The following EMSY variants were observed in gnomAD, a reference collection of about 807,000 sequenced individuals.
The protein encoded by EMSY is EMSY transcriptional repressor, BRCA2 interacting, also known as BRCA2-interacting transcriptional repressor EMSY.
A neutral mutation model predicts 134.6 loss-of-function variants in EMSY; 26 were observed. The observed-to-expected ratio is 0.19, with a 90% CI of 0.14 to 0.27. The LOEUF (loss-of-function observed/expected upper bound fraction) is 0.27, where lower values mean the gene tolerates loss of function less well. EMSY is among the 10% of genes least tolerant of loss of function. The pLI, the probability that EMSY is intolerant of heterozygous loss-of-function variation, is 1.00. For synonymous variants in EMSY, 579 were observed against 577.8 expected (o/e 1.00, Z -0.03); for missense variants, 1,305 against 1,611.4 (o/e 0.81, Z 3.26).
chr11:76,467,066 A>C (rs185656473), intron 7 of EMSY, among the ~76,000 whole-genome samples: 1,646 of 152,338 alleles, frequency 0.011, 30 homozygotes, highest in African/African-American at 0.035. Flanking sequence ...ATATCCCTTC[A>C]TATATAGAAA....
chr11:76,446,817 C>A, intron 1 of EMSY, 83 bp from the exon 2 acceptor site: 1 of 798,384 alleles, frequency 1.3e-6, no homozygotes, highest in South Asian at 1.7e-5. Flanking sequence ...ACTTCTTAGC[C>A]TGTGACTGGA....
intron 20 of EMSY, 34 bp downstream of exon 21, chr11:76,546,331 C>T: frequency 6.3e-7 from 1 of 1,577,268 alleles, no homozygotes; most frequent in African/African-American, 1.4e-5. Context: ...AAATCTTGTG[C>T]ATCTTGGGGG....
intron 9 of EMSY, chr11:76,496,783 T>C (rs773660417): frequency 2.1e-4 from 76 of 368,250 alleles, no homozygotes; most frequent in Middle Eastern, 6.5e-4. Context: ...TCTCAGAGTA[T>C]TTACATAGAT....
At chr11:76,535,798 G>C (rs1410541724) in intron 14 of EMSY, 97 bp from the exon 16 acceptor site, 1 of 984,086 alleles carries the variant, frequency 1.0e-6, no homozygotes, top group African/African-American at 1.7e-5. Context: ...ACAATAAATA[G>C]AAAGATAAGC....
intron 2 of EMSY, among the ~76,000 whole-genome samples, chr11:76,447,587 T>C (rs1947470990): frequency 6.6e-6 from 1 of 152,256 alleles, no homozygotes; most frequent in South Asian, 2.1e-4. Context: ...ATTTATTATT[T>C]AGTGTTTCTT....
intron 9 of EMSY, among the ~76,000 whole-genome samples, chr11:76,503,941 C>T (rs1331830465): frequency 3.3e-5 from 5 of 151,642 alleles, no homozygotes; most frequent in South Asian, 2.1e-4. Context: ...CGCACCATCA[C>T]GCCCGGCTAA....
At chr11:76,519,325 A>G (rs1436600387) in intron 11 of EMSY, among the ~76,000 whole-genome samples, 1 of 152,190 alleles carries the variant, frequency 6.6e-6, no homozygotes, top group East Asian at 1.9e-4. Context: ...TTGGGCTCCC[A>G]AAGTGCTGGT....
chr11:76,446,610 C>T (rs1947422961), intron 1 of EMSY, among the ~76,000 whole-genome samples: 1 of 152,040 alleles, frequency 6.6e-6, no homozygotes, highest in South Asian at 2.1e-4. Context: ...GGTGGTATTA[C>T]CTCTGTTTTA....
At chr11:76,538,047 T>A in intron 16 of EMSY, 97 bp downstream of exon 17, 1 of 1,147,576 alleles carries the variant, frequency 8.7e-7, no homozygotes, top group Non-Finnish European at 1.2e-6. Context: ...CTTTATATTT[T>A]TAGCTTTTTC....
chr11:76,548,136 CTG>C (rs1264760991), intron 20 of EMSY, among the ~76,000 whole-genome samples: 1 of 152,174 alleles, frequency 6.6e-6, no homozygotes, highest in African/African-American at 2.4e-5. Flanking sequence ...AGTCAAGTGT[CTG>C]TGTAGAGCAA....
intron 9 of EMSY, among the ~76,000 whole-genome samples, chr11:76,509,081 G>C (rs1253417135): frequency 6.6e-6 from 1 of 152,028 alleles, no homozygotes; most frequent in Non-Finnish European, 1.5e-5. Context: ...AAAGATCACT[G>C]ATCACCGATT....
chr11:76,546,431 G>T (rs527825052), intron 20 of EMSY, 134 bp downstream of exon 21: 2 of 1,268,222 alleles, frequency 1.6e-6, no homozygotes, highest in South Asian at 1.6e-5. Flanking sequence ...TTGAGATGGT[G>T]TTTGACAAAT....
chr11:76,506,283 T>G (rs1326608845), intron 9 of EMSY, among the ~76,000 whole-genome samples: 1 of 152,290 alleles, frequency 6.6e-6, no homozygotes, highest in East Asian at 1.9e-4. Flanking sequence ...GTTATCAATA[T>G]ATTGTATTGT....
At chr11:76,472,935 G>A in intron 8 of EMSY, 95 bp downstream of exon 9, 1 of 1,354,030 alleles carries the variant, frequency 7.4e-7, no homozygotes, top group Non-Finnish European at 1.0e-6. Flanking sequence ...GGATATGAAG[G>A]TCCCTACTAT....
At chr11:76,530,029 T>G (rs1950978015) in intron 14 of EMSY, among the ~76,000 whole-genome samples, 1 of 152,126 alleles carries the variant, frequency 6.6e-6, no homozygotes, top group African/African-American at 2.4e-5. Flanking sequence ...AAAGGGGACA[T>G]GAACAGTAGA....
chr11:76,458,445 T>A, intron 5 of EMSY, 87 bp downstream of exon 6: 1 of 1,320,482 alleles, frequency 7.6e-7, no homozygotes, highest in Non-Finnish European at 1.0e-6. Flanking sequence ...ATTTTTCATC[T>A]ACTTTTATTC....
chr11:76,504,678 A>G (rs2135969279), intron 9 of EMSY, among the ~76,000 whole-genome samples: 1 of 152,346 alleles, frequency 6.6e-6, no homozygotes, highest in East Asian at 1.9e-4. Flanking sequence ...TTCCACTCCT[A>G]GGTATATATA....
chr11:76,492,489 A>G (rs1565312469), intron 8 of EMSY, among the ~76,000 whole-genome samples: 1 of 152,204 alleles, frequency 6.6e-6, no homozygotes, highest in Non-Finnish European at 1.5e-5. Flanking sequence ...AAATAAATAA[A>G]TACAATTCTC....
chr11:76,473,481 G>A (rs1482760080), intron 8 of EMSY, among the ~76,000 whole-genome samples: 1 of 151,178 alleles, frequency 6.6e-6, no homozygotes, highest in Non-Finnish European at 1.5e-5. Context: ...TATTTTTTTT[G>A]TATTTTTGGT....
Sources: gnomAD v4.1 joint callset for allele counts (sites outside exome capture counted in the v4.1 genomes callset) on GRCh38, gnomAD v4.1.1 for gene constraint, MANE v1.5 for transcripts, NCBI Gene and HGNC (gene_info 2026-07-23, HGNC 2026-07-21) for gene names.